STARD9: variants seen among roughly 807,000 people sequenced by gnomAD.
The protein encoded by STARD9 is stAR-related lipid transfer protein 9.
Under a neutral mutation model 399.8 loss-of-function variants are expected in STARD9, and 346 were observed. That is an observed-to-expected ratio of 0.87 (90% CI 0.79 to 0.95). The LOEUF (loss-of-function observed/expected upper bound fraction) is 0.95, where lower values mean the gene tolerates loss of function less well. Ranked by LOEUF, STARD9 falls within the 40% of genes least tolerant of loss-of-function variation. STARD9 has a pLI of 0.00. For synonymous variants in STARD9, 2,203 were observed against 2,143.5 expected (o/e 1.03, Z -0.77); for missense variants, 5,832 against 5,667.5 (o/e 1.03, Z -0.93).
intron 7 of STARD9, 55 bp downstream of exon 7, chr15:42,638,867 C>A (rs1412675178): frequency 2.1e-6 from 2 of 967,044 alleles, no homozygotes; most frequent in African/African-American, 1.6e-5. Context: ...GGGAAGCTCT[C>A]CTAATGTTCC....
At chr15:42,698,984 CTCTT>C (rs749244868) in intron 26 of STARD9, among the ~76,000 whole-genome samples, 19 of 150,884 alleles carry the variant, frequency 1.3e-4, no homozygotes, top group Non-Finnish European at 2.1e-4. Flanking sequence ...CATTGCTCTT[CTCTT>C]TCTGAGTTTA....
At chr15:42,713,941 G>A (rs2061301342) in intron 26 of STARD9, among the ~76,000 whole-genome samples, 1 of 152,040 alleles carries the variant, frequency 6.6e-6, no homozygotes, top group African/African-American at 2.4e-5. Flanking sequence ...GAAGAATCTG[G>A]GAAGGATTGG....
In STARD9 at chr15:42,691,099, A is replaced by G; in HGVS notation, c.9521A>G (p.Lys3174Arg). 6.5e-7 allele frequency: 1 copy of G among 1,537,208 alleles called. No individual in the cohort carries two copies. Among genetic ancestry groups the G allele is most frequent in the South Asian group, 1.2e-5 (1 of 84,052 alleles). Residue 3174 changes from lysine (K) to arginine (R), a missense_variant, in exon 23 of 33, where the codon AAG becomes AGG. Lys to Arg is a conservative substitution (Grantham distance 26). This residue lies in a region of STARD9 where 5,828 missense variants were observed against 5,651.1 expected (regional missense o/e 1.03). Coordinates refer to ENST00000290607, the MANE Select transcript of STARD9 (RefSeq NM_020759.3). ...LENTTRCFLEKPQFSTELRDH... is the reference protein window; with the variant it reads ...LENTTRCFLERPQFSTELRDH... ...AATACCACTAGATGTTTTTTGGAAA[A>G]GCCACAATTTTCCACTGAGTTGAGG...
At position 42,686,136 on chromosome 15, in the gene STARD9, C is replaced by T; in HGVS notation, c.4558C>T (p.Leu1520=). 2 of 1,537,296 alleles carry T rather than the reference C, an allele frequency of 1.3e-6. No individual in the cohort carries two copies. The highest frequency in any genetic ancestry group is 2.4e-5 in the South Asian group (2 of 84,062). The change falls in exon 23 of 33, where the codon CTG becomes TTG. Residue 1520 remains leucine, a synonymous_variant. Coordinates refer to ENST00000290607, the MANE Select transcript of STARD9 (RefSeq NM_020759.3). ...CTACCTTGAGGAAGACTCTGGTTCC[C>T]TGGCCCAAGCTTCTAGCAAAGGAGG... The part of the protein sequence containing the change: ...YPYLEEDSGS[L]AQASSKGGDT...
At chr15:42,637,264 G>A (rs2059437886) in intron 4 of STARD9, among the ~76,000 whole-genome samples, 1 of 152,084 alleles carries the variant, frequency 6.6e-6, no homozygotes. Flanking sequence ...CCAAGCTGGA[G>A]TGCAGTGGCA....
chr15:42,593,732 C>T (rs571995727), intron 3 of STARD9, among the ~76,000 whole-genome samples: 12 of 127,102 alleles, frequency 9.4e-5, no homozygotes, highest in Admixed American at 8.0e-4. Flanking sequence ...GGTACAATCT[C>T]GGCTCACTGC....
rs190077817 is a variant in STARD9, at chr15:42,688,407, G to A, written c.6829G>A (p.Glu2277Lys). 7.3e-5 allele frequency: 112 copies of A among 1,537,616 alleles called. 1 individual carries two copies. The East Asian group carries it at 2.4e-3, about 33-fold the overall frequency. The change falls in exon 23 of 33, where the codon GAA becomes AAA. Residue 2277 changes from glutamate to lysine, a missense_variant. Glu to Lys is a moderately conservative substitution (Grantham distance 56). This residue lies in a region of STARD9 where 5,828 missense variants were observed against 5,651.1 expected (regional missense o/e 1.03). Transcript: ENST00000290607. ...EEPKAQGKVEEMPMQRGGSLQ... is the reference protein window; with the variant it reads ...EEPKAQGKVEKMPMQRGGSLQ... ...GCCAAAAGCTCAAGGTAAAGTTGAA[G>A]AAATGCCTATGCAAAGGGGAGGCAG...
intron 26 of STARD9, among the ~76,000 whole-genome samples, chr15:42,716,183 A>C (rs1198295018): frequency 1.3e-5 from 2 of 152,120 alleles, no homozygotes; most frequent in African/African-American, 4.8e-5. Context: ...AACCCCATCT[A>C]ATCCCCAGTT....
rs2059788465 is a variant in STARD9 at position 42,652,722 on chromosome 15, C to A, written c.702+130C>A. The A allele has an allele frequency of 7.3e-6, 6 of 820,440 alleles. 1 individual carries two copies. The East Asian group carries it at 1.6e-4, about 22-fold the overall frequency. 50.8% of individuals were successfully genotyped at this position (820,440 alleles called of 1,614,324 possible). A position where few individuals can be genotyped will look rare whatever the true frequency, so the allele number is the denominator to read the frequency against. ...ACAGGGTCTCAGTCTGTTGCCCAGACTGGAGTGCAGTGGCGCGATCTCGGC... is the reference window on the plus strand; with the variant it reads ...ACAGGGTCTCAGTCTGTTGCCCAGAATGGAGTGCAGTGGCGCGATCTCGGC... On this transcript the variant is annotated intron_variant, in intron 9 of 32. Transcript: ENST00000290607.
At position 42,685,276 on chromosome 15, in the gene STARD9, A is replaced by G. The variant is rs552090473; in HGVS notation, c.3698A>G (p.Glu1233Gly). The change falls in exon 23 of 33, where the codon GAG becomes GGG. Residue 1233 changes from glutamate (E) to glycine (G), a missense_variant. Transcript: ENST00000290607. Reference sequence around the variant, plus strand: ...GGTTCAGCTGACGAGATACCCACAGAGACTTTTTGGCACCTGGAGGACTCT... The same window carrying G: ...GGTTCAGCTGACGAGATACCCACAGGGACTTTTTGGCACCTGGAGGACTCT... The part of the protein sequence containing the change: ...FPGSADEIPT[E>G]TFWHLEDSSL... 1.3e-6 allele frequency: 2 copies of G among 1,537,592 alleles called. No individual in the cohort carries two copies. The highest frequency in any genetic ancestry group is 2.0e-5 in the Admixed American group (1 of 51,004).
chr15:42,708,195 A>G (rs962134995), intron 26 of STARD9, among the ~76,000 whole-genome samples: 1 of 152,240 alleles, frequency 6.6e-6, no homozygotes. Context: ...AAAGTTTGAT[A>G]TAATAATCCT....
chr15:42,670,906 CAG>C (rs1307942849), intron 16 of STARD9: 5 of 152,092 alleles, frequency 3.3e-5, no homozygotes, highest in African/African-American at 1.2e-4. Context: ...GTCAGAAGCA[CAG>C]AGAGAGGTTG....
chr15:42,700,159 C>T (rs1170808141), intron 26 of STARD9, among the ~76,000 whole-genome samples: 3 of 152,156 alleles, frequency 2.0e-5, no homozygotes, highest in Admixed American at 2.0e-4. Flanking sequence ...TGTATATATG[C>T]CACATTTTCT....
intron 16 of STARD9, chr15:42,671,829 ACGGGG>A (rs1156872799): frequency 6.6e-6 from 1 of 152,136 alleles, no homozygotes; most frequent in Non-Finnish European, 1.5e-5. Context: ...TTTAGTAGAG[ACGGGG>A]ATTCACCATG....
intron 3 of STARD9, among the ~76,000 whole-genome samples, chr15:42,601,890 T>G (rs1015750532): frequency 6.6e-6 from 1 of 152,230 alleles, no homozygotes; most frequent in Non-Finnish European, 1.5e-5. Flanking sequence ...CTCTGTCACC[T>G]GGGCTGGAGT....
chr15:42,609,477 G>C (rs2058805270), intron 3 of STARD9, among the ~76,000 whole-genome samples: 1 of 147,242 alleles, frequency 6.8e-6, no homozygotes, highest in Admixed American at 6.8e-5. Flanking sequence ...GTCTTGCTCT[G>C]TCACCAGGCT....
At position 42,698,243 on chromosome 15, in the gene STARD9, T is replaced by C. The variant is rs145878659; in HGVS notation, c.13284+2363T>C. 7.1e-4 allele frequency among the ~76,000 whole-genome samples: 108 copies of C among 152,350 alleles called. 2 individuals are homozygous for C. The highest frequency in any genetic ancestry group is 3.4e-3 in the Middle Eastern group (1 of 294). ...CATTTTGTACATAGGCAAATATATT[T>C]GTGGGATAAATTCCCAGAAGGGCAC... is the stretch of plus-strand genomic sequence containing the variant. On this transcript the variant is annotated intron_variant, in intron 26 of 32. Coordinates refer to ENST00000290607, the MANE Select transcript of STARD9 (RefSeq NM_020759.3).
At chr15:42,662,267 T>C (rs1344858499) in intron 10 of STARD9, among the ~76,000 whole-genome samples, 1 of 152,180 alleles carries the variant, frequency 6.6e-6, no homozygotes, top group Admixed American at 6.5e-5. Context: ...CAAGAAAGGG[T>C]AAGATGAAAT....
rs895580376 is a variant in STARD9, at chr15:42,674,923, T to G, written c.1646T>G (p.Val549Gly). ...LRPARGARCT[V>G]NGREVTASCR... ...CCTGCCCGTGGGGCCCGCTGTACAGTCAATGGCCGGGAGGTCACTGCCTCC... is the reference window on the plus strand; with the variant it reads ...CCTGCCCGTGGGGCCCGCTGTACAGGCAATGGCCGGGAGGTCACTGCCTCC... The change falls in exon 18 of 33, where the codon GTC (valine) becomes GGC (glycine). Residue 549 changes from valine to glycine, a missense_variant. Transcript: ENST00000290607. 2.6e-6 allele frequency: 4 copies of G among 1,536,740 alleles called. No individual in the cohort carries two copies. The highest frequency in any genetic ancestry group is 1.4e-5 in the African/African-American group (1 of 73,012).
Sources: allele counts gnomAD v4.1 joint callset (sites outside exome capture counted in the v4.1 genomes callset), GRCh38; gene constraint gnomAD v4.1.1; regional missense constraint gnomAD v4.1.1; transcripts MANE v1.5; gene names NCBI Gene and HGNC (gene_info 2026-07-23, HGNC 2026-07-21).